PPP2R5C: variants seen among roughly 807,000 people sequenced by gnomAD.
The protein encoded by PPP2R5C is protein phosphatase 2 regulatory subunit B'gamma.
PPP2R5C carries 7 observed loss-of-function variants against 68.9 expected under a neutral mutation model. The ratio of observed to expected loss-of-function variants is 0.10; its 90% CI spans 0.06 to 0.19. The LOEUF (loss-of-function observed/expected upper bound fraction) is 0.19, where lower values mean the gene tolerates loss of function less well. Among genes scored for constraint, PPP2R5C ranks in the 10% least tolerant of loss-of-function variants. The pLI is 1.00. For missense variants in PPP2R5C, 348 were observed against 641.3 expected, an observed-to-expected ratio of 0.54 and a Z score of 4.94; for synonymous variants, 210 against 222.2, an observed-to-expected ratio of 0.95 and a Z score of 0.49.
chr14:101,779,651 G>C (rs1413201371), intron 2 of PPP2R5C, among the ~76,000 whole-genome samples: 3 of 152,084 alleles, frequency 2.0e-5, no homozygotes, highest in Admixed American at 6.5e-5. Context: ...AAGTGTGGGG[G>C]AGACAGCGGC....
rs1456442126 is a variant in PPP2R5C at position 101,916,740 on chromosome 14, C to T, written c.1327-1091C>T. ...CAGGGGGTGAGAGGCAGGGGTGAAG[C>T]AGGTCAGCAGGAGGGCGCTGCTGTG... is the stretch of plus-strand genomic sequence containing the variant. On this transcript the variant is annotated intron_variant, in intron 12 of 13. Transcript: ENST00000334743. This position sits in a 1 kb window ranked among gnomAD's most constrained non-coding sequence, Gnocchi z 5.5. 6.6e-6 allele frequency among the ~76,000 whole-genome samples: 1 copy of T among 151,988 alleles called. No individual in the cohort carries two copies. Among genetic ancestry groups the T allele is most frequent in the Non-Finnish European group, 1.5e-5 (1 of 67,978 alleles).
chr14:101,889,750 T>G, intron 5 of PPP2R5C: 1 of 317,500 alleles, frequency 3.1e-6, no homozygotes, highest in South Asian at 2.5e-5. Flanking sequence ...ATAAGAGGAG[T>G]TCAGGAATCA....
At chr14:101,922,941 T>C (rs560172452) in intron 13 of PPP2R5C, among the ~76,000 whole-genome samples, 2 of 152,380 alleles carry the variant, frequency 1.3e-5, no homozygotes, top group East Asian at 3.9e-4. Context: ...TGCATAGCCA[T>C]GTATGCCCAA....
Position 101,880,160 on chromosome 14 carries a change from T to C in PPP2R5C, c.295-2001T>C, listed in dbSNP as rs113759831. On this transcript the variant is annotated intron_variant, in intron 2 of 13. Coordinates refer to ENST00000334743, the Ensembl canonical transcript of PPP2R5C. Reference sequence around the variant, plus strand: ...GGGACAGTCCCTGGAGAGTAGACATTGCCAGAAATTATAACACCAGTGAGA... The same window carrying C: ...GGGACAGTCCCTGGAGAGTAGACATCGCCAGAAATTATAACACCAGTGAGA... Among the ~76,000 whole-genome samples the C allele has an allele frequency of 6.6e-4, 100 of 152,332 alleles. 1 individual carries two copies. Among genetic ancestry groups the C allele is most frequent in the African/African-American group, 2.1e-3 (88 of 41,578 alleles).
intron 3 of PPP2R5C, among the ~76,000 whole-genome samples, chr14:101,799,905 A>G (rs183097818): frequency 6.6e-6 from 1 of 152,340 alleles, no homozygotes; most frequent in Admixed American, 6.5e-5. Context: ...GCCTGTGCCT[A>G]AGAGACAGTA....
intron 5 of PPP2R5C, among the ~76,000 whole-genome samples, chr14:101,887,299 C>G (rs921987762): frequency 8.5e-5 from 13 of 152,186 alleles, no homozygotes; most frequent in Non-Finnish European, 1.6e-4. Flanking sequence ...GGGTCATGCT[C>G]TATCCTCACC....
In PPP2R5C at chr14:101,786,118, G is replaced by A. The variant is rs746905400; in HGVS notation, c.194G>A (p.Arg65Gln). 49 of 1,586,504 alleles carry A rather than the reference G, an allele frequency of 3.1e-5. No homozygotes were observed. In the East Asian group the frequency reaches 3.2e-4, roughly 10 times the overall value. ...CAGCCCATAGTGAAGAAAGACAAAC[G>A]GCAAAATTCTTCAAGGTTTAGCGCA... Residue 65 changes from arginine to glutamine, a missense_variant, in exon 3 of 15, where the codon CGG becomes CAG. Physicochemically the swap from Arg to Gln is conservative, Grantham distance 43. Coordinates refer to the PPP2R5C transcript ENST00000328724.
intron 1 of PPP2R5C, 21 bp from the exon 4 acceptor site, chr14:101,856,665 A>G (rs2042442779): frequency 1.2e-6 from 2 of 1,603,230 alleles, no homozygotes; most frequent in East Asian, 4.5e-5. Flanking sequence ...TGATCAATAT[A>G]CTTTGCTTTC....
intron 3 of PPP2R5C, among the ~76,000 whole-genome samples, chr14:101,801,123 A>C (rs2038845077): frequency 6.6e-6 from 1 of 152,168 alleles, no homozygotes; most frequent in Admixed American, 6.5e-5. Flanking sequence ...AGTCAGAAGG[A>C]ATAAGTTCTA....
At chr14:101,775,596 G>A (rs186946964) in intron 2 of PPP2R5C, among the ~76,000 whole-genome samples, 21 of 152,320 alleles carry the variant, frequency 1.4e-4, no homozygotes, top group Non-Finnish European at 2.4e-4. Context: ...TCTACCTGAG[G>A]AAGTGCAGCC....
rs111612238 is a variant in PPP2R5C, at chr14:101,798,531, C to T, written c.259+12348C>T. Reference sequence around the variant, plus strand: ...CCTGACTTCTCAGCTACCCACTAGGCTGAGGACGGGGAGAATCATGAGTTC... The same window carrying T: ...CCTGACTTCTCAGCTACCCACTAGGTTGAGGACGGGGAGAATCATGAGTTC... On this transcript the variant is annotated intron_variant, in intron 3 of 14. Coordinates refer to the PPP2R5C transcript ENST00000328724. Among the ~76,000 whole-genome samples the T allele has an allele frequency of 2.4e-3, 363 of 152,312 alleles. 3 individuals are homozygous for T. The highest frequency in any genetic ancestry group is 0.014 in the Middle Eastern group (4 of 294).
In PPP2R5C at chr14:101,902,057, G is replaced by C. The variant is rs181850764; in HGVS notation, c.1023+168G>C. The stretch of plus-strand genomic sequence containing the variant: ...ACGATGCTGTAACTTGAATTCTATA[G>C]AATACCCTTGAGCATCTTGTCCCTT... On this transcript the variant is annotated intron_variant, in intron 9 of 13. Transcript: ENST00000334743. Among the ~76,000 whole-genome samples the C allele has an allele frequency of 8.1e-4, 123 of 152,260 alleles. 1 individual carries two copies. The highest frequency in any genetic ancestry group is 1.0e-4 in the Non-Finnish European group (7 of 68,022).
chr14:101,891,613 C>T lies in PPP2R5C; in HGVS notation c.689+1317C>T, dbSNP rs954436053. On this transcript the variant is annotated intron_variant, in intron 6 of 13. Transcript: ENST00000334743. This position sits in a 1 kb window ranked among gnomAD's most constrained non-coding sequence, Gnocchi z 4.9. Reference sequence around the variant, plus strand: ...GCCGTGTGCGTAGGGCCCCCGTGTGCATAGGGCCGCCGGGCAGCTCCCGCC... The same window carrying T: ...GCCGTGTGCGTAGGGCCCCCGTGTGTATAGGGCCGCCGGGCAGCTCCCGCC... Among the ~76,000 whole-genome samples the T allele has an allele frequency of 3.1e-4, 47 of 152,298 alleles. 1 individual carries two copies. The highest frequency in any genetic ancestry group is 1.7e-4 in the African/African-American group (7 of 41,564).
At chr14:101,838,945 G>A (rs1566891350) in intron 1 of PPP2R5C, 2 of 152,050 alleles carry the variant, frequency 1.3e-5, no homozygotes, top group African/African-American at 4.8e-5. Context: ...TCAGGAGGCT[G>A]AGGCAGGAGA....
At chr14:101,809,748 T>C (rs1273291506), upstream of PPP2R5C, 3 of 1,227,794 alleles carry the variant, frequency 2.4e-6, no homozygotes, top group Non-Finnish European at 2.1e-6. Flanking sequence ...GAACGCTCTT[T>C]CCGTTTGCAG....
At chr14:101,892,394 TG>T (rs551342102) in intron 6 of PPP2R5C, among the ~76,000 whole-genome samples, 53 of 43,052 alleles carry the variant, frequency 1.2e-3, no homozygotes, top group East Asian at 7.2e-3. Context: ...GGGTGGGGGG[TG>T]GGGGGGGTCC....
intron 5 of PPP2R5C, among the ~76,000 whole-genome samples, chr14:101,887,333 A>G (rs2140932436): frequency 6.6e-6 from 1 of 152,314 alleles, no homozygotes. Flanking sequence ...AAGGCTGTGC[A>G]GCACCTGCTC....
intron 1 of PPP2R5C, among the ~76,000 whole-genome samples, chr14:101,832,456 A>C (rs2140344977): frequency 6.6e-6 from 1 of 152,304 alleles, no homozygotes; most frequent in East Asian, 1.9e-4. Flanking sequence ...TTAAAGCAAA[A>C]TACCAAGTAA....
At chr14:101,910,811 CA>C (rs1396630180) in intron 11 of PPP2R5C, among the ~76,000 whole-genome samples, 3 of 146,100 alleles carry the variant, frequency 2.1e-5, no homozygotes, top group Non-Finnish European at 4.5e-5. Context: ...ACTAAAAATA[CA>C]AAAAAAAAGG....
Sources: gnomAD v4.1 joint callset for allele counts (sites outside exome capture counted in the v4.1 genomes callset) on GRCh38, gnomAD v4.1.1 for gene constraint, Gnocchi (gnomAD v3.1) non-coding constraint, MANE v1.5 for transcripts, NCBI Gene and HGNC (gene_info 2026-07-23, HGNC 2026-07-21) for gene names.